LANCL3: variants seen among roughly 807,000 people sequenced by gnomAD.
LANCL3 encodes lanC-like protein 3.
LANCL3 carries 19 observed loss-of-function variants against 26.5 expected under a neutral mutation model. The observed-to-expected ratio is 0.72, with a 90% confidence interval of 0.50 to 1.05. The LOEUF (loss-of-function observed/expected upper bound fraction) is 1.05. Among genes scored for constraint, LANCL3 ranks in the 50% least tolerant of loss-of-function variants. The probability of loss-of-function intolerance (pLI) is 0.00; values close to 1 mark genes in which losing one functional copy is unlikely to be tolerated. For missense variants in LANCL3, 318 were observed against 362.7 expected (o/e 0.88, Z 1.00); for synonymous variants, 160 against 166.6 (o/e 0.96, Z 0.30).
intron 1 of LANCL3, among the ~76,000 whole-genome samples, chrX:37,589,292 C>A (rs6609052): frequency 6.1e-4 from 68 of 111,803 alleles, no homozygotes; most frequent in African/African-American, 1.9e-3. Context: ...TTGGGATTGT[C>A]AGACTCCACT....
intron 1 of LANCL3, among the ~76,000 whole-genome samples, chrX:37,587,975 C>T (rs1355578179): frequency 2.7e-5 from 3 of 112,171 alleles, no homozygotes; most frequent in Non-Finnish European, 5.6e-5. Context: ...GAACATAGTT[C>T]GTAGTTTTTT....
At chrX:37,590,315 C>A (rs1313524219) in intron 1 of LANCL3, among the ~76,000 whole-genome samples, 1 of 112,707 alleles carries the variant, frequency 8.9e-6, no homozygotes, top group East Asian at 2.8e-4. Flanking sequence ...GTGACAACTT[C>A]AAATGAGTTT....
In LANCL3 at chrX:37,676,653, A is replaced by G. The variant is rs1331958739; in HGVS notation, c.*840A>G. Reference sequence around the variant, plus strand: ...TTATGTACATAATCTTGATGGAGCTATTAGCTGAACTATAAAATATGCTCT... The same window carrying G: ...TTATGTACATAATCTTGATGGAGCTGTTAGCTGAACTATAAAATATGCTCT... On this transcript the variant is annotated 3_prime_UTR_variant, in exon 5 of 5. Transcript: ENST00000378619. The G allele has an allele frequency of 8.9e-6, 1 of 112,009 alleles. No homozygotes were observed. Among genetic ancestry groups the G allele is most frequent in the Non-Finnish European group, 1.9e-5 (1 of 53,175 alleles). The allele number at this position is 112,009 out of a possible 1,213,427, so 9.2% of individuals were successfully genotyped here. A position where few individuals can be genotyped will look rare whatever the true frequency, so the allele number is the denominator to read the frequency against.
At chrX:37,598,138 G>T (rs1924487373) in intron 1 of LANCL3, among the ~76,000 whole-genome samples, 2 of 111,273 alleles carry the variant, frequency 1.8e-5, no homozygotes, top group South Asian at 3.8e-4. Context: ...TGTGTTGATG[G>T]TTTCCTCTGA....
chrX:37,654,915 C>T (rs1393090612), intron 1 of LANCL3, among the ~76,000 whole-genome samples: 1 of 111,957 alleles, frequency 8.9e-6, no homozygotes, highest in African/African-American at 3.2e-5. Flanking sequence ...AGGGAGTGTG[C>T]CAAAGGGAAC....
chrX:37,582,814 A>C (rs1923938481), intron 1 of LANCL3, among the ~76,000 whole-genome samples: 1 of 111,811 alleles, frequency 8.9e-6, no homozygotes, highest in African/African-American at 3.3e-5. Flanking sequence ...GAAGCTCTTC[A>C]GTTTAATTAG....
At chrX:37,583,963 A>G (rs1556417430) in intron 1 of LANCL3, among the ~76,000 whole-genome samples, 1 of 111,613 alleles carries the variant, frequency 9.0e-6, no homozygotes, top group African/African-American at 3.3e-5. Flanking sequence ...TTTGTCATAG[A>G]TAGCTCTTAT....
At chrX:37,619,449 G>A (rs1925095475) in intron 1 of LANCL3, among the ~76,000 whole-genome samples, 1 of 111,024 alleles carries the variant, frequency 9.0e-6, no homozygotes, top group Non-Finnish European at 1.9e-5. Context: ...ATACAACACT[G>A]AGCTGAAACC....
Position 37,572,212 on chromosome X carries a change from C to G in LANCL3, c.342C>G (p.Ala114=), listed in dbSNP as rs181309411. Residue 114 remains alanine, a synonymous_variant, in exon 1 of 5, where the codon GCC becomes GCG. Transcript: ENST00000378619. ...CTGAGGAGTGGGGCGAACCGGACGC[C>G]GACACCCGCGCCGCCTTCCTGCTCG... ...ARAEEWGEPD[A]DTRAAFLLGG... is the part of the protein sequence containing the mutation. The G allele has an allele frequency of 8.6e-7, 1 of 1,158,814 alleles. No individual in the cohort carries two copies. The highest frequency in any genetic ancestry group is 1.1e-6 in the Non-Finnish European group (1 of 873,118).
chrX:37,634,215 G>A (rs1349919571), intron 1 of LANCL3, among the ~76,000 whole-genome samples: 1 of 112,574 alleles, frequency 8.9e-6, no homozygotes, highest in Non-Finnish European at 1.9e-5. Flanking sequence ...GCAAGACTCC[G>A]TGGACGTAGG....
rs903273553 is a variant in LANCL3, at chrX:37,678,263, A to C, written c.*2450A>C. 4 of 111,062 alleles carry C rather than the reference A, an allele frequency of 3.6e-5. No individual in the cohort carries two copies. Among genetic ancestry groups the C allele is most frequent in the African/African-American group, 1.3e-4 (4 of 30,626 alleles). The allele number at this position is 111,062 out of a possible 1,213,427, so 9.2% of individuals were successfully genotyped here. ...CCTCTTCTATATTATTTTTCCAAGA[A>C]GGGGAAAACGATTCTTACATTTTGC... On this transcript the variant is annotated 3_prime_UTR_variant, in exon 5 of 5. Transcript: ENST00000378619.
Position 37,679,232 on chromosome X carries a change from A to C in LANCL3, c.*3419A>C, listed in dbSNP as rs145523147. Reference sequence around the variant, plus strand: ...ATATTTTACCCACTATATACATAGAAAAATCATGCCCAGTTATGACTTCCA... The same window carrying C: ...ATATTTTACCCACTATATACATAGACAAATCATGCCCAGTTATGACTTCCA... On this transcript the variant is annotated 3_prime_UTR_variant, in exon 5 of 5. Transcript: ENST00000378619. 32 of 112,213 alleles carry C rather than the reference A, an allele frequency of 2.9e-4. No individual in the cohort carries two copies. Among genetic ancestry groups the C allele is most frequent in the African/African-American group, 1.0e-3 (31 of 30,912 alleles). 9.2% of individuals were successfully genotyped at this position (112,213 alleles called of 1,213,427 possible). A position where few individuals can be genotyped will look rare whatever the true frequency, so the allele number is the denominator to read the frequency against.
At chrX:37,640,555 T>C (rs972165744) in intron 1 of LANCL3, among the ~76,000 whole-genome samples, 9 of 112,015 alleles carry the variant, frequency 8.0e-5, no homozygotes, top group Non-Finnish European at 1.5e-4. Flanking sequence ...TTTTGCTCAC[T>C]GATGTTCTCC....
chrX:37,661,311 A>T (rs1243096287), intron 3 of LANCL3, among the ~76,000 whole-genome samples: 1 of 112,023 alleles, frequency 8.9e-6, no homozygotes, highest in African/African-American at 3.2e-5. Context: ...TCTGTATACT[A>T]AATACCATCT....
intron 1 of LANCL3, among the ~76,000 whole-genome samples, chrX:37,636,334 A>G (rs1925705111): frequency 8.9e-6 from 1 of 112,137 alleles, no homozygotes; most frequent in South Asian, 3.7e-4. Flanking sequence ...ATACCCAATA[A>G]TGGACTTGCT....
At chrX:37,584,371 T>C (rs1556417513) in intron 1 of LANCL3, among the ~76,000 whole-genome samples, 1 of 109,045 alleles carries the variant, frequency 9.2e-6, no homozygotes, top group Non-Finnish European at 1.9e-5. Flanking sequence ...TTCTATTGAT[T>C]GGAATAGTTT....
chrX:37,637,117 A>G (rs3126417), intron 1 of LANCL3, among the ~76,000 whole-genome samples: 34,234 of 110,859 alleles, frequency 0.31, 5,711 homozygotes, highest in African/African-American at 0.66. Flanking sequence ...GTGGTGGAGC[A>G]CAAAATTGAA....
intron 1 of LANCL3, among the ~76,000 whole-genome samples, chrX:37,638,178 A>G (rs1400597142): frequency 9.0e-6 from 1 of 111,237 alleles, no homozygotes; most frequent in Non-Finnish European, 1.9e-5. Flanking sequence ...AAGAGAGAGA[A>G]CACTGGCTAC....
Position 37,683,616 on chromosome X carries a change from C to A in LANCL3, c.*7803C>A, listed in dbSNP as rs781792008. ...TTTGCCATAACAGGTTATATGACCTCTTGCTAATTGTTATATTTCCTTAGG... is the reference window on the plus strand; with the variant it reads ...TTTGCCATAACAGGTTATATGACCTATTGCTAATTGTTATATTTCCTTAGG... On this transcript the variant is annotated 3_prime_UTR_variant, in exon 5 of 5. Transcript: ENST00000378619. 3 of 111,705 alleles carry A rather than the reference C, an allele frequency of 2.7e-5. No individual in the cohort carries two copies. Among genetic ancestry groups the A allele is most frequent in the African/African-American group, 9.7e-5 (3 of 30,819 alleles). The allele number at this position is 111,705 out of a possible 1,213,427, so 9.2% of individuals were successfully genotyped here.
Sources: gnomAD v4.1 joint callset for allele counts (sites outside exome capture counted in the v4.1 genomes callset) on GRCh38, gnomAD v4.1.1 for gene constraint, MANE v1.5 for transcripts, NCBI Gene and HGNC (gene_info 2026-07-23, HGNC 2026-07-21) for gene names.